Variants in RAB27A observed in about 807,000 individuals in gnomAD.
RAB27A encodes the protein RAB27A, member RAS oncogene family, also known as ras-related protein Rab-27A.
A neutral mutation model predicts 20.8 loss-of-function variants in RAB27A; 17 were observed. That is an observed-to-expected ratio of 0.82 (90% CI 0.56 to 1.23). The LOEUF is 1.23. Ranked by LOEUF, RAB27A falls within the 50% of genes most tolerant of loss-of-function variation. RAB27A has a pLI of 0.00. For missense variants in RAB27A, 277 were observed against 266.7 expected, an observed-to-expected ratio of 1.04 and a Z score of -0.27; for synonymous variants, 85 against 92.8, an observed-to-expected ratio of 0.92 and a Z score of 0.48.
chr15:55,313,071 G>A (rs1163936403), intron 2 of RAB27A, among the ~76,000 whole-genome samples: 1 of 152,168 alleles, frequency 6.6e-6, no homozygotes, highest in Admixed American at 6.5e-5. Flanking sequence ...CTCTTACCCA[G>A]CAGACATTTG....
intron 6 of RAB27A, among the ~76,000 whole-genome samples, chr15:55,211,432 C>T (rs28589609): frequency 0.27 from 40,472 of 151,618 alleles, 6,946 homozygotes; most frequent in African/African-American, 0.49. Flanking sequence ...ATTTCTCTCA[C>T]CTGTGTTTTA....
chr15:55,247,468 T>C (rs892303260), intron 2 of RAB27A, among the ~76,000 whole-genome samples: 1 of 151,966 alleles, frequency 6.6e-6, no homozygotes, highest in African/African-American at 2.4e-5. Context: ...AAAAACAGTG[T>C]CAAGGAATCT....
Position 55,242,318 on chromosome 15 carries a change from T to C in RAB27A, c.-22-7362A>G, listed in dbSNP as rs796413787. 1.1e-4 allele frequency among the ~76,000 whole-genome samples: 17 copies of C among 152,340 alleles called. 1 individual carries two copies. Among genetic ancestry groups the C allele is most frequent in the African/African-American group, 4.1e-4 (17 of 41,582 alleles). The stretch of plus-strand genomic sequence containing the variant: ...AAGACTCATACCATATAGAGACTGA[T>C]GTTTTCTCAGTGTGATGGCAAATAG... On this transcript the variant is annotated intron_variant, in intron 2 of 6. Coordinates refer to ENST00000336787, the MANE Select transcript of RAB27A (RefSeq NM_183235.3).
intron 2 of RAB27A, among the ~76,000 whole-genome samples, chr15:55,310,751 C>T (rs563661665): frequency 1.1e-4 from 17 of 152,170 alleles, no homozygotes; most frequent in Non-Finnish European, 2.4e-4. Flanking sequence ...AGTTTTGCTC[C>T]GGGCCTAAGG....
upstream of RAB27A, among the ~76,000 whole-genome samples, chr15:55,294,377 C>T (rs942912447): frequency 2.0e-5 from 3 of 152,074 alleles, no homozygotes; most frequent in African/African-American, 7.2e-5. Context: ...CCCTTGAGCT[C>T]AGGAATTCCA....
chr15:55,234,768 G>T lies in RAB27A; in HGVS notation c.153+14C>A, dbSNP rs375882552. On this transcript the variant is annotated intron_variant, in intron 3 of 6. Coordinates refer to ENST00000336787, the MANE Select transcript of RAB27A (RefSeq NM_183235.3). ...TAACGATTACATTTTTACATAGAAG[G>T]ATATAGAACTTACCACTCTTTTTTC... 8 of 1,601,036 alleles carry T rather than the reference G, an allele frequency of 5.0e-6. No homozygotes were observed. In the African/African-American group the frequency reaches 1.1e-4, roughly 21 times the overall value.
chr15:55,221,451 G>A (rs1444024536), intron 6 of RAB27A, among the ~76,000 whole-genome samples: 1 of 151,850 alleles, frequency 6.6e-6, no homozygotes, highest in East Asian at 1.9e-4. Flanking sequence ...TTTCCACTAC[G>A]TTACATGAGT....
chr15:55,249,841 T>C (rs1370431063), intron 2 of RAB27A, among the ~76,000 whole-genome samples: 1 of 152,226 alleles, frequency 6.6e-6, no homozygotes, highest in African/African-American at 2.4e-5. Context: ...AGAACAAGCA[T>C]TGCAGTCCTT....
chr15:55,274,822 A>ATATATATATATATATATATG (rs1555399473), intron 1 of RAB27A, among the ~76,000 whole-genome samples: 6 of 139,006 alleles, frequency 4.3e-5, no homozygotes, highest in African/African-American at 1.6e-4. Context: ...ATATATATAT[A>ATATATATATATATATATATG]TATGTATAGA....
At chr15:55,240,888 T>C (rs973476686) in intron 2 of RAB27A, among the ~76,000 whole-genome samples, 4 of 152,222 alleles carry the variant, frequency 2.6e-5, no homozygotes, top group Admixed American at 2.6e-4. Context: ...GAAAGCTTTT[T>C]GTTAGCATCT....
rs188967977 is a variant in RAB27A, at chr15:55,315,438, A to C, written c.-233-1278T>G. On this transcript the variant is annotated intron_variant, in intron 1 of 5. Transcript: ENST00000563262. ...GGATCTAATTAAAGAGCTTCTGCCT[A>C]GCAAAAGAAACTATCGTGAGAGTGA... is the stretch of plus-strand genomic sequence containing the variant. 3.7e-3 allele frequency among the ~76,000 whole-genome samples: 567 copies of C among 152,348 alleles called. 6 individuals are homozygous for C. The highest frequency in any genetic ancestry group is 0.014 in the Middle Eastern group (4 of 294).
chr15:55,304,482 GA>G (rs71437808), intron 2 of RAB27A, among the ~76,000 whole-genome samples: 122 of 148,944 alleles, frequency 8.2e-4, no homozygotes, highest in Non-Finnish European at 1.1e-3. Context: ...TTAAAAAAAA[GA>G]AAAAAAAAAG....
chr15:55,312,330 G>A (rs1447931521), intron 2 of RAB27A, among the ~76,000 whole-genome samples: 1 of 152,146 alleles, frequency 6.6e-6, no homozygotes, highest in Non-Finnish European at 1.5e-5. Context: ...TTAATAGAGT[G>A]AAAACAGAGC....
intron 2 of RAB27A, among the ~76,000 whole-genome samples, chr15:55,241,600 T>TTC (rs1388634936): frequency 0.091 from 11,236 of 123,046 alleles, 822 homozygotes; most frequent in Admixed American, 0.18. Flanking sequence ...CAAGACCTAT[T>TTC]TATATATATA....
intron 2 of RAB27A, among the ~76,000 whole-genome samples, chr15:55,240,725 C>T (rs908785782): frequency 3.3e-5 from 5 of 152,294 alleles, no homozygotes; most frequent in Admixed American, 1.3e-4. Flanking sequence ...GGCTCCTCAC[C>T]TGTAAAACAG....
intron 2 of RAB27A, among the ~76,000 whole-genome samples, chr15:55,236,521 G>A (rs551213363): frequency 1.2e-3 from 178 of 152,188 alleles, no homozygotes; most frequent in Non-Finnish European, 2.1e-3. Context: ...CTTCAGTACC[G>A]ACTAAAACAA....
intron 2 of RAB27A, among the ~76,000 whole-genome samples, chr15:55,308,376 A>G (rs1458010305): frequency 6.6e-6 from 1 of 152,184 alleles, no homozygotes; most frequent in Non-Finnish European, 1.5e-5. Flanking sequence ...TAGAGTCTGT[A>G]TATATATTTA....
chr15:55,280,308 T>C (rs1382695953), intron 1 of RAB27A, among the ~76,000 whole-genome samples: 1 of 151,912 alleles, frequency 6.6e-6, no homozygotes, highest in Non-Finnish European at 1.5e-5. Flanking sequence ...ATATGATCTC[T>C]TCCAGCCTGA....
At chr15:55,264,418 C>T (rs768214818) in intron 2 of RAB27A, among the ~76,000 whole-genome samples, 3 of 152,240 alleles carry the variant, frequency 2.0e-5, no homozygotes, top group African/African-American at 4.8e-5. Context: ...ATTTTTCCAA[C>T]CTCTATAAGC....
Sources: allele counts gnomAD v4.1 joint callset (sites outside exome capture counted in the v4.1 genomes callset), GRCh38; gene constraint gnomAD v4.1.1; transcripts MANE v1.5; gene names NCBI Gene and HGNC (gene_info 2026-07-23, HGNC 2026-07-21).